Variants in FRMD4A observed in about 807,000 individuals in gnomAD.
FRMD4A encodes the protein FERM domain containing 4A, also known as FERM domain-containing protein 4A.
Under a neutral mutation model 129.1 loss-of-function variants are expected in FRMD4A, and 29 were observed. The observed-to-expected ratio is 0.22, with a 90% CI of 0.17 to 0.31. The LOEUF is 0.31. Among genes scored for constraint, FRMD4A ranks in the 10% least tolerant of loss-of-function variants. FRMD4A has a pLI of 1.00. For synonymous variants in FRMD4A, 634 were observed against 571.6 expected (o/e 1.11, Z -1.56); for missense variants, 1,272 against 1,375.8 (o/e 0.92, Z 1.19).
chr10:14,185,542 A>G (rs192938454), intron 2 of FRMD4A, among the ~76,000 whole-genome samples: 2 of 152,356 alleles, frequency 1.3e-5, no homozygotes, highest in East Asian at 1.9e-4. Flanking sequence ...TGGAAACTTG[A>G]AACATAAAGC....
In FRMD4A at chr10:13,644,376, A is replaced by T. The variant is rs141058753; in HGVS notation, c.*2662T>A. The T allele has an allele frequency of 6.6e-6, 1 of 152,250 alleles. No individual in the cohort carries two copies. Among genetic ancestry groups the T allele is most frequent in the Non-Finnish European group, 1.5e-5 (1 of 68,040 alleles). The allele number at this position is 152,250 out of a possible 1,614,324, so 9.4% of individuals were successfully genotyped here. ...TTTCCCACCACACTGATCATTAATC[A>T]TGTCAGTCTCAAAGGACTAACGTTT... On this transcript the variant is annotated 3_prime_UTR_variant, in exon 25 of 25. Transcript: ENST00000357447.
intron 12 of FRMD4A, among the ~76,000 whole-genome samples, chr10:13,723,034 A>T (rs1379850998): frequency 6.6e-6 from 1 of 151,868 alleles, no homozygotes; most frequent in Non-Finnish European, 1.5e-5. Flanking sequence ...GTAGGTCCCT[A>T]TGTTGGTTAG....
intron 2 of FRMD4A, among the ~76,000 whole-genome samples, chr10:13,886,636 A>G (rs1239009375): frequency 6.6e-6 from 1 of 151,932 alleles, no homozygotes; most frequent in East Asian, 1.9e-4. Flanking sequence ...GCTGGAGCGC[A>G]ATGGTGCAAT....
At chr10:13,838,736 G>A (rs1039874929) in intron 3 of FRMD4A, among the ~76,000 whole-genome samples, 1 of 151,910 alleles carries the variant, frequency 6.6e-6, no homozygotes, top group East Asian at 1.9e-4. Flanking sequence ...CAAGTGATAC[G>A]CCTGCCTCAG....
chr10:14,028,776 T>C (rs1053979908), intron 2 of FRMD4A, among the ~76,000 whole-genome samples: 1 of 152,026 alleles, frequency 6.6e-6, no homozygotes, highest in Non-Finnish European at 1.5e-5. Flanking sequence ...CCTCCTGAGG[T>C]TGGGATTTGC....
intron 2 of FRMD4A, among the ~76,000 whole-genome samples, chr10:13,945,469 C>T (rs74628794): frequency 1.3e-5 from 2 of 152,086 alleles, no homozygotes; most frequent in Admixed American, 1.3e-4. Context: ...GCTAATTACC[C>T]TTGCTGGAAG....
Position 13,656,658 on chromosome 10 carries a change from G to A in FRMD4A, c.2931C>T (p.Pro977=), listed in dbSNP as rs761166826. The part of the protein sequence containing the change: ...FVAHSRVTRM[P]QMCKATSAAL... ...CACCTGACGTGGCCTTGCACATCTG[G>A]GGCATCCTGGTGACCCTGCTGTGCG... The change falls in exon 22 of 25, where the codon CCC becomes CCT. Residue 977 remains proline, a synonymous_variant. Coordinates refer to ENST00000357447, the MANE Select transcript of FRMD4A (RefSeq NM_018027.5). The A allele has an allele frequency of 4.0e-6, 6 of 1,497,456 alleles. No homozygotes were observed. The East Asian group carries it at 7.9e-5, about 20-fold the overall frequency. 92.8% of individuals were successfully genotyped at this position (1,497,456 alleles called of 1,614,324 possible).
At chr10:13,961,453 G>A (rs548578838) in intron 2 of FRMD4A, among the ~76,000 whole-genome samples, 8 of 152,306 alleles carry the variant, frequency 5.3e-5, no homozygotes, top group African/African-American at 1.7e-4. Flanking sequence ...TGGCCAAGCT[G>A]TATAGGCAAC....
chr10:13,850,385 T>G (rs1031164737), intron 3 of FRMD4A, among the ~76,000 whole-genome samples: 1 of 152,168 alleles, frequency 6.6e-6, no homozygotes, highest in South Asian at 2.1e-4. Context: ...AGATGGGATA[T>G]CACCAGCATC....
intron 2 of FRMD4A, among the ~76,000 whole-genome samples, chr10:14,130,231 CTTTT>C (rs1027774655): frequency 2.7e-4 from 41 of 152,252 alleles, no homozygotes; most frequent in African/African-American, 9.4e-4. Flanking sequence ...AGTAAATATT[CTTTT>C]TAAATTTTTT....
chr10:14,232,286 TG>T (rs1843664255), intron 2 of FRMD4A, among the ~76,000 whole-genome samples: 1 of 152,206 alleles, frequency 6.6e-6, no homozygotes, highest in African/African-American at 2.4e-5. Context: ...TCCATTGGTC[TG>T]TTTGTTTGTT....
intron 5 of FRMD4A, among the ~76,000 whole-genome samples, chr10:13,786,130 T>C (rs190506846): frequency 1.2e-3 from 188 of 152,352 alleles, no homozygotes; most frequent in African/African-American, 4.2e-3. Context: ...CCTTCAGGTA[T>C]ATACCCAGTA....
At chr10:14,043,839 T>C (rs1487770731) in intron 2 of FRMD4A, among the ~76,000 whole-genome samples, 7 of 152,218 alleles carry the variant, frequency 4.6e-5, no homozygotes, top group African/African-American at 7.2e-5. Flanking sequence ...ATCTTTTTTT[T>C]TTCTTAAGAC....
chr10:14,185,842 C>A (rs1842124193), intron 2 of FRMD4A, among the ~76,000 whole-genome samples: 1 of 152,080 alleles, frequency 6.6e-6, no homozygotes, highest in South Asian at 2.1e-4. Flanking sequence ...TGGAGACAGC[C>A]ATGGCCAGGT....
At chr10:13,771,818 G>A (rs1472687712) in intron 6 of FRMD4A, among the ~76,000 whole-genome samples, 1 of 151,996 alleles carries the variant, frequency 6.6e-6, no homozygotes, top group Non-Finnish European at 1.5e-5. Context: ...GGTGGCTCAC[G>A]CCTGTAATCT....
At chr10:13,817,011 T>A (rs887469422) in intron 3 of FRMD4A, among the ~76,000 whole-genome samples, 14 of 152,366 alleles carry the variant, frequency 9.2e-5, no homozygotes, top group Non-Finnish European at 1.9e-4. Flanking sequence ...CTCTCTTTTC[T>A]TTTTGTATCT....
At chr10:13,997,963 G>A (rs1588713462) in intron 2 of FRMD4A, among the ~76,000 whole-genome samples, 1 of 152,176 alleles carries the variant, frequency 6.6e-6, no homozygotes, top group Admixed American at 6.5e-5. Context: ...TGACAATGCT[G>A]CAATAAGGTG....
chr10:13,775,943 G>C (rs2092587376), intron 6 of FRMD4A, among the ~76,000 whole-genome samples: 1 of 152,124 alleles, frequency 6.6e-6, no homozygotes, highest in African/African-American at 2.4e-5. Flanking sequence ...TAAAACAATG[G>C]GTTGTCTAAA....
chr10:13,667,888 G>C (rs1241190904), intron 17 of FRMD4A: 2 of 152,192 alleles, frequency 1.3e-5, no homozygotes, highest in African/African-American at 4.8e-5. Flanking sequence ...CAGGGAGAGA[G>C]AGCACACATC....
Sources: gnomAD v4.1 joint callset for allele counts (sites outside exome capture counted in the v4.1 genomes callset) on GRCh38, gnomAD v4.1.1 for gene constraint, MANE v1.5 for transcripts, NCBI Gene and HGNC (gene_info 2026-07-23, HGNC 2026-07-21) for gene names.